The following CMIP variants were observed in gnomAD, a reference collection of about 807,000 sequenced individuals.
The protein encoded by CMIP is c-Maf inducing protein, also known as C-Maf-inducing protein.
CMIP carries 13 observed loss-of-function variants against 97.3 expected under a neutral mutation model. The observed-to-expected ratio is 0.13, with a 90% CI of 0.09 to 0.21. The LOEUF (loss-of-function observed/expected upper bound fraction) is 0.21, where lower values mean the gene tolerates loss of function less well. Among genes scored for constraint, CMIP ranks in the 10% least tolerant of loss-of-function variants. The probability of loss-of-function intolerance (pLI) is 1.00; values close to 1 mark genes in which losing one functional copy is unlikely to be tolerated. For missense variants in CMIP, 847 were observed against 1,024.9 expected (o/e 0.83, Z 2.37); for synonymous variants, 538 against 436.3 (o/e 1.23, Z -2.91).
At chr16:81,455,617 A>T (rs548766612) in intron 1 of CMIP, among the ~76,000 whole-genome samples, 1 of 151,828 alleles carries the variant, frequency 6.6e-6, no homozygotes, top group Non-Finnish European at 1.5e-5. Flanking sequence ...TCTCCAACAC[A>T]TGGCCCAGCT....
intron 3 of CMIP, among the ~76,000 whole-genome samples, chr16:81,647,686 C>T (rs1055583200): frequency 6.6e-6 from 1 of 152,110 alleles, no homozygotes; most frequent in Non-Finnish European, 1.5e-5. Context: ...AGCAGGGATT[C>T]CGGAGGCGTC....
At chr16:81,468,109 T>C (rs936244825) in intron 1 of CMIP, among the ~76,000 whole-genome samples, 3 of 152,008 alleles carry the variant, frequency 2.0e-5, no homozygotes, top group African/African-American at 7.2e-5. Flanking sequence ...GGTGAACAAG[T>C]CTTTGAAATG....
At chr16:81,607,455 C>T (rs781623327) in intron 1 of CMIP, 112 bp from the exon 2 acceptor site, 21 of 1,381,284 alleles carry the variant, frequency 1.5e-5, no homozygotes, top group Non-Finnish European at 2.1e-5. Flanking sequence ...CCTGCACCAG[C>T]TCCATTTGCC....
intron 1 of CMIP, chr16:81,495,601 A>T: frequency 8.2e-7 from 1 of 1,212,854 alleles, no homozygotes; most frequent in Non-Finnish European, 1.2e-6. Flanking sequence ...CCCACTTCTC[A>T]GAGGGTGGGC....
intron 1 of CMIP, among the ~76,000 whole-genome samples, chr16:81,535,032 G>A (rs1282409413): frequency 6.6e-6 from 1 of 152,050 alleles, no homozygotes; most frequent in Non-Finnish European, 1.5e-5. Context: ...CTCACTCTAA[G>A]CTCTGCCTCC....
intron 1 of CMIP, among the ~76,000 whole-genome samples, chr16:81,456,758 G>A (rs1906574748): frequency 6.6e-6 from 1 of 152,210 alleles, no homozygotes; most frequent in African/African-American, 2.4e-5. Flanking sequence ...GGGCTGCAAA[G>A]CAGAATGTCA....
rs1054003232 is a variant in CMIP, at chr16:81,600,276, A to G, written c.301-7291A>G. Among the ~76,000 whole-genome samples, 7 of 18,262 alleles carry G rather than the reference A, an allele frequency of 3.8e-4. No homozygotes were observed. In the East Asian group the frequency reaches 5.6e-3, roughly 15 times the overall value. 12.0% of individuals were successfully genotyped at this position (18,262 alleles called of 152,430 possible). ...AGGCGACAGAGTGAGACTCCATCTGAAAAAAAAAAAAAAAAAAAAAGATAT... is the reference window on the plus strand; with the variant it reads ...AGGCGACAGAGTGAGACTCCATCTGGAAAAAAAAAAAAAAAAAAAAGATAT... On this transcript the variant is annotated intron_variant, in intron 1 of 20. Coordinates refer to ENST00000537098, the MANE Select transcript of CMIP (RefSeq NM_198390.3).
chr16:81,612,858 C>G (rs2091854339), intron 2 of CMIP, among the ~76,000 whole-genome samples: 1 of 152,146 alleles, frequency 6.6e-6, no homozygotes, highest in Non-Finnish European at 1.5e-5. Context: ...TTTCCCAGGT[C>G]TGAATGGATT....
At chr16:81,675,509 A>G (rs1904293875) in intron 9 of CMIP, among the ~76,000 whole-genome samples, 2 of 151,964 alleles carry the variant, frequency 1.3e-5, no homozygotes, top group African/African-American at 4.8e-5. Flanking sequence ...GTGAGCCACC[A>G]TGCCCGTGTA....
At chr16:81,657,098 G>A (rs1310484942) in intron 4 of CMIP, among the ~76,000 whole-genome samples, 2 of 152,086 alleles carry the variant, frequency 1.3e-5, no homozygotes, top group South Asian at 2.1e-4. Context: ...AGCATTTTCA[G>A]TAAGGGATGT....
chr16:81,669,558 T>C (rs1597224259), intron 7 of CMIP, among the ~76,000 whole-genome samples: 4 of 95,244 alleles, frequency 4.2e-5, no homozygotes, highest in African/African-American at 8.2e-5. Flanking sequence ...ACCCACTTCA[T>C]ACTTCCTTCC....
At chr16:81,521,886 A>G (rs142032330) in intron 1 of CMIP, among the ~76,000 whole-genome samples, 2 of 152,360 alleles carry the variant, frequency 1.3e-5, no homozygotes, top group Non-Finnish European at 2.9e-5. Flanking sequence ...GGTATCCTAT[A>G]TCTTACAGAT....
At chr16:81,528,866 A>G (rs2090180317) in intron 1 of CMIP, among the ~76,000 whole-genome samples, 2 of 151,902 alleles carry the variant, frequency 1.3e-5, no homozygotes, top group Non-Finnish European at 2.9e-5. Context: ...GGTGAGCGCG[A>G]TTTTTTTGTT....
chr16:81,445,964 TA>T (rs547486946), intron 1 of CMIP, among the ~76,000 whole-genome samples: 15,395 of 145,246 alleles, frequency 0.11, 2,713 homozygotes, highest in African/African-American at 0.37. Context: ...CCCTCAGATT[TA>T]AAAAAAAAAA....
intron 1 of CMIP, among the ~76,000 whole-genome samples, chr16:81,557,702 G>T (rs2090793082): frequency 6.6e-6 from 1 of 152,154 alleles, no homozygotes; most frequent in African/African-American, 2.4e-5. Flanking sequence ...CTAGTTCAAG[G>T]CTACAATGAG....
At chr16:81,543,171 G>A (rs1434497822) in intron 1 of CMIP, among the ~76,000 whole-genome samples, 1 of 152,198 alleles carries the variant, frequency 6.6e-6, no homozygotes, top group African/African-American at 2.4e-5. Context: ...TTCGCTCCAG[G>A]TGAGCGCATC....
chr16:81,518,512 C>G (rs879454734), intron 1 of CMIP: 1 of 152,350 alleles, frequency 6.6e-6, no homozygotes, highest in Non-Finnish European at 1.5e-5. Context: ...CAAGGACCAG[C>G]AAGGGAAGTG....
At chr16:81,679,070 G>T (rs971405006) in intron 10 of CMIP, among the ~76,000 whole-genome samples, 1 of 152,250 alleles carries the variant, frequency 6.6e-6, no homozygotes, top group Non-Finnish European at 1.5e-5. Context: ...GTGCCCAAGT[G>T]TGTCTTTGAG....
At chr16:81,595,976 A>G (rs1326198040) in intron 1 of CMIP, among the ~76,000 whole-genome samples, 1 of 152,168 alleles carries the variant, frequency 6.6e-6, no homozygotes, top group Non-Finnish European at 1.5e-5. Context: ...TGCCTGCATC[A>G]TTTTACATTC....
Sources: gnomAD v4.1 joint callset for allele counts (sites outside exome capture counted in the v4.1 genomes callset) on GRCh38, gnomAD v4.1.1 for gene constraint, MANE v1.5 for transcripts, NCBI Gene and HGNC (gene_info 2026-07-23, HGNC 2026-07-21) for gene names.